CALCRL: variants seen among roughly 807,000 people sequenced by gnomAD.
The protein encoded by CALCRL is calcitonin gene-related peptide type 1 receptor.
CALCRL carries 27 observed loss-of-function variants against 60.4 expected under a neutral mutation model. The ratio of observed to expected loss-of-function variants is 0.45; its 90% confidence interval spans 0.33 to 0.62. The LOEUF (loss-of-function observed/expected upper bound fraction) is 0.62, where lower values mean the gene tolerates loss of function less well. CALCRL is among the 20% of genes least tolerant of loss of function. The probability of loss-of-function intolerance (pLI) is 0.03; values close to 1 mark genes in which losing one functional copy is unlikely to be tolerated. For synonymous variants in CALCRL, 190 were observed against 182.6 expected, an observed-to-expected ratio of 1.04 and a Z score of -0.33; for missense variants, 424 against 540.7, an observed-to-expected ratio of 0.78 and a Z score of 2.14.
intron 1 of CALCRL, among the ~76,000 whole-genome samples, chr2:187,430,351 AT>A (rs1399139150): frequency 6.6e-6 from 1 of 152,188 alleles, no homozygotes; most frequent in Admixed American, 6.5e-5. Context: ...CCAGCTTTAA[AT>A]TTAGGAGAAA....
chr2:187,434,035 C>T (rs189983972), intron 1 of CALCRL, among the ~76,000 whole-genome samples: 4 of 152,076 alleles, frequency 2.6e-5, no homozygotes, highest in Non-Finnish European at 2.9e-5. Flanking sequence ...GACATACACA[C>T]CCTGAATAGA....
At chr2:187,426,971 T>C (rs1252356029) in intron 1 of CALCRL, among the ~76,000 whole-genome samples, 1 of 152,140 alleles carries the variant, frequency 6.6e-6, no homozygotes, top group Non-Finnish European at 1.5e-5. Context: ...ACATGTCCTT[T>C]TGAAAGGAGG....
At position 187,346,136 on chromosome 2, in the gene CALCRL, CT is replaced by C. The variant is rs751203938; in HGVS notation, c.*47del. On this transcript the variant is annotated 3_prime_UTR_variant, in exon 15 of 15. Coordinates refer to ENST00000392370, the MANE Select transcript of CALCRL (RefSeq NM_005795.6). ...GGCTACAGAGTCATGGGTCCAAGTC[CT>C]TGAGTTAGGAGAAGCACAAAACAGT... 7.2e-5 allele frequency: 90 copies of C among 1,250,082 alleles called. No individual in the cohort carries two copies. Among genetic ancestry groups the C allele is most frequent in the Non-Finnish European group, 9.3e-5 (82 of 878,604 alleles). 77.4% of individuals were successfully genotyped at this position (1,250,082 alleles called of 1,614,324 possible).
intron 1 of CALCRL, among the ~76,000 whole-genome samples, chr2:187,406,955 A>G (rs1689161485): frequency 6.6e-6 from 1 of 152,082 alleles, no homozygotes. Context: ...TTAGGACTTA[A>G]CTATCATTCC....
intron 1 of CALCRL, among the ~76,000 whole-genome samples, chr2:187,428,048 A>G (rs2105887122): frequency 6.6e-6 from 1 of 152,328 alleles, no homozygotes; most frequent in African/African-American, 2.4e-5. Context: ...AAAGCAGAAC[A>G]ACTATATACA....
chr2:187,439,798 C>T (rs559386738), intron 1 of CALCRL, among the ~76,000 whole-genome samples: 31 of 152,138 alleles, frequency 2.0e-4, no homozygotes, highest in African/African-American at 6.7e-4. Flanking sequence ...AGAAAATGTG[C>T]GTCTCTTTCT....
chr2:187,369,463 T>C (rs537390633), intron 8 of CALCRL, among the ~76,000 whole-genome samples: 4 of 152,282 alleles, frequency 2.6e-5, no homozygotes, highest in South Asian at 2.1e-4. Flanking sequence ...TGAAGTATTA[T>C]TGTCTTTTAA....
chr2:187,440,309 G>A (rs1455766687), intron 1 of CALCRL, among the ~76,000 whole-genome samples: 1 of 152,144 alleles, frequency 6.6e-6, no homozygotes, highest in Non-Finnish European at 1.5e-5. Flanking sequence ...AGACCAGAAT[G>A]TAGGACAAGC....
rs2105673695 is a variant in CALCRL at position 187,344,637 on chromosome 2, T to A, written c.*1547A>T. 6.6e-6 allele frequency: 1 copy of A among 151,818 alleles called. No individual in the cohort carries two copies. Among genetic ancestry groups the A allele is most frequent in the Admixed American group, 6.6e-5 (1 of 15,180 alleles). 9.4% of individuals were successfully genotyped at this position (151,818 alleles called of 1,614,324 possible). On this transcript the variant is annotated 3_prime_UTR_variant, in exon 15 of 15. Transcript: ENST00000392370. ...ACAATAATTCAGTAAGATCTGACAA[T>A]AATTTTTTCTCAATGATATATTCAA...
chr2:187,375,894 A>C (rs1687737517), intron 8 of CALCRL, among the ~76,000 whole-genome samples: 3 of 152,230 alleles, frequency 2.0e-5, no homozygotes, highest in East Asian at 3.8e-4. Flanking sequence ...CTTGAATAAA[A>C]CATACATAAA....
At chr2:187,428,205 G>A (rs974505000) in intron 1 of CALCRL, 4 of 152,132 alleles carry the variant, frequency 2.6e-5, no homozygotes, top group Admixed American at 1.3e-4. Context: ...TGGCACTTAA[G>A]ATGAGACCCT....
chr2:187,345,280 T>C lies in CALCRL; in HGVS notation c.*904A>G, dbSNP rs992806641. The C allele has an allele frequency of 9.2e-5, 14 of 152,358 alleles. No homozygotes were observed. Among genetic ancestry groups the C allele is most frequent in the Non-Finnish European group, 1.9e-4 (13 of 67,824 alleles). 9.4% of individuals were successfully genotyped at this position (152,358 alleles called of 1,614,324 possible). ...TTACAAGCTCATTTTTCACAATTTCTTTTTACAAAATTCCAAGAAAATAAG... is the reference window on the plus strand; with the variant it reads ...TTACAAGCTCATTTTTCACAATTTCCTTTTACAAAATTCCAAGAAAATAAG... On this transcript the variant is annotated 3_prime_UTR_variant, in exon 15 of 15. Coordinates refer to ENST00000392370, the MANE Select transcript of CALCRL (RefSeq NM_005795.6).
chr2:187,380,950 A>G (rs1214990724), intron 5 of CALCRL, among the ~76,000 whole-genome samples, 163 bp from the exon 6 acceptor site: 1 of 152,062 alleles, frequency 6.6e-6, no homozygotes, highest in Non-Finnish European at 1.5e-5. Context: ...CTTCCCACCA[A>G]GTAATATTAT....
At chr2:187,387,824 A>T in intron 1 of CALCRL, 68 bp from the exon 2 acceptor site, 1 of 382,238 alleles carries the variant, frequency 2.6e-6, no homozygotes, top group Non-Finnish European at 4.6e-6. Context: ...ATGATAAATT[A>T]AAAACTTCAA....
chr2:187,366,381 GA>G (rs1043277093), intron 8 of CALCRL, among the ~76,000 whole-genome samples: 8 of 151,210 alleles, frequency 5.3e-5, no homozygotes, highest in African/African-American at 1.5e-4. Context: ...GTAAAAATTA[GA>G]AAAAAATTAA....
intron 1 of CALCRL, among the ~76,000 whole-genome samples, chr2:187,432,419 A>G (rs971824204): frequency 2.0e-5 from 3 of 152,110 alleles, no homozygotes; most frequent in African/African-American, 7.2e-5. Context: ...CTTATGGAGC[A>G]TCAATTTTCT....
intron 1 of CALCRL, among the ~76,000 whole-genome samples, chr2:187,427,062 T>C (rs972641974): frequency 6.6e-6 from 1 of 152,136 alleles, no homozygotes; most frequent in African/African-American, 2.4e-5. Context: ...AAAAATGCTC[T>C]CTAGTAAGAT....
chr2:187,441,133 G>A (rs1039825407), intron 1 of CALCRL, among the ~76,000 whole-genome samples: 4 of 151,868 alleles, frequency 2.6e-5, no homozygotes, highest in Non-Finnish European at 5.9e-5. Context: ...TATATTAGAA[G>A]CAATTGAAAG....
At chr2:187,371,573 G>C (rs796288109) in intron 8 of CALCRL, among the ~76,000 whole-genome samples, 62 of 152,218 alleles carry the variant, frequency 4.1e-4, no homozygotes, top group African/African-American at 1.2e-3. Flanking sequence ...AGGTTTCAAC[G>C]TAGGATTTCA....
Sources: allele counts gnomAD v4.1 joint callset (sites outside exome capture counted in the v4.1 genomes callset), GRCh38; gene constraint gnomAD v4.1.1; transcripts MANE v1.5; gene names NCBI Gene and HGNC (gene_info 2026-07-23, HGNC 2026-07-21).